OPCML: variants seen among roughly 807,000 people sequenced by gnomAD.
OPCML encodes opioid binding protein/cell adhesion molecule like.
In OPCML, 13 loss-of-function variants were observed where a neutral mutation model predicts 37.8. That is an observed-to-expected ratio of 0.34 (90% CI 0.22 to 0.55). The LOEUF is 0.55. OPCML is among the 20% of genes least tolerant of loss of function. The pLI, the probability that OPCML is intolerant of heterozygous loss-of-function variation, is 0.91. For synonymous variants in OPCML, 176 were observed against 168.8 expected (o/e 1.04, Z -0.33); for missense variants, 341 against 435.6 (o/e 0.78, Z 1.93).
At chr11:132,567,395 G>C (rs1217029864) in intron 3 of OPCML, among the ~76,000 whole-genome samples, 2 of 152,164 alleles carry the variant, frequency 1.3e-5, no homozygotes, top group African/African-American at 2.4e-5. Context: ...GAATAAACAT[G>C]GTTCTCCTAT....
chr11:132,769,696 G>C (rs1156991666), intron 2 of OPCML, among the ~76,000 whole-genome samples: 1 of 152,186 alleles, frequency 6.6e-6, no homozygotes, highest in Non-Finnish European at 1.5e-5. Context: ...AGACACGCAT[G>C]TGGGAGACTC....
chr11:133,436,768 C>T (rs191162446), intron 1 of OPCML, among the ~76,000 whole-genome samples: 167 of 152,244 alleles, frequency 1.1e-3, no homozygotes, highest in African/African-American at 3.8e-3. Flanking sequence ...ATAATAGAAC[C>T]GAACTCGCAT....
intron 1 of OPCML, among the ~76,000 whole-genome samples, chr11:133,214,290 A>G (rs551616488): frequency 6.6e-6 from 1 of 152,256 alleles, no homozygotes; most frequent in South Asian, 2.1e-4. Context: ...GTCATTTATG[A>G]TAGAAAAAGC....
intron 1 of OPCML, among the ~76,000 whole-genome samples, chr11:133,288,646 G>C (rs61912376): frequency 0.65 from 98,674 of 152,070 alleles, 33,651 homozygotes; most frequent in East Asian, 0.91. Context: ...GACACCCAGG[G>C]TCTACCTTGG....
intron 1 of OPCML, among the ~76,000 whole-genome samples, chr11:132,950,020 A>G (rs1258602426): frequency 6.6e-6 from 1 of 152,184 alleles, no homozygotes; most frequent in African/African-American, 2.4e-5. Context: ...TGAGCAAACA[A>G]ACACCATAGA....
At chr11:132,712,324 C>A (rs1380597377) in intron 2 of OPCML, among the ~76,000 whole-genome samples, 4 of 151,898 alleles carry the variant, frequency 2.6e-5, no homozygotes, top group South Asian at 2.1e-4. Context: ...CCTCCTCCCC[C>A]ACAAGTGGTC....
chr11:133,112,030 C>T (rs1183532362), intron 1 of OPCML, among the ~76,000 whole-genome samples: 2 of 152,036 alleles, frequency 1.3e-5, no homozygotes, highest in East Asian at 3.8e-4. Context: ...TCCTGTACAT[C>T]CACCTTCACG....
intron 2 of OPCML, among the ~76,000 whole-genome samples, chr11:132,726,146 G>A (rs1012086189): frequency 1.3e-5 from 2 of 152,134 alleles, no homozygotes; most frequent in African/African-American, 2.4e-5. Context: ...CTTTTCAGCA[G>A]CGCCCCACTC....
chr11:132,888,304 A>G (rs1943501308), intron 2 of OPCML, among the ~76,000 whole-genome samples: 1 of 152,184 alleles, frequency 6.6e-6, no homozygotes, highest in African/African-American at 2.4e-5. Context: ...TGCACGGCCT[A>G]GAATTTATTA....
At chr11:132,615,009 A>G (rs927084001) in intron 3 of OPCML, among the ~76,000 whole-genome samples, 1 of 152,260 alleles carries the variant, frequency 6.6e-6, no homozygotes, top group Non-Finnish European at 1.5e-5. Flanking sequence ...TTTATTGAAC[A>G]TATAAATAAT....
At position 133,038,482 on chromosome 11, in the gene OPCML, T is replaced by A. The variant is rs74583788; in HGVS notation, c.62-95472A>T. On this transcript the variant is annotated intron_variant, in intron 1 of 7. Transcript: ENST00000524381. ...CATGGTAATTAATATTGATTGACAA[T>A]TATAAAAAGATTCATTATTTTAATT... 7.1e-3 allele frequency among the ~76,000 whole-genome samples: 1,079 copies of A among 152,324 alleles called. 14 individuals carry two copies. The highest frequency in any genetic ancestry group is 0.025 in the African/African-American group (1,024 of 41,566).
At chr11:132,423,141 A>G (rs371040680) in intron 7 of OPCML, among the ~76,000 whole-genome samples, 1 of 152,176 alleles carries the variant, frequency 6.6e-6, no homozygotes, top group East Asian at 1.9e-4. Context: ...GCACTTCAGA[A>G]TTCCATCTCC....
intron 1 of OPCML, among the ~76,000 whole-genome samples, chr11:133,322,956 G>C (rs1254634791): frequency 6.6e-6 from 1 of 152,078 alleles, no homozygotes; most frequent in South Asian, 2.1e-4. Flanking sequence ...CACAAGACCT[G>C]GTATATACAA....
At chr11:132,836,360 G>T (rs895511827) in intron 2 of OPCML, among the ~76,000 whole-genome samples, 16 of 152,152 alleles carry the variant, frequency 1.1e-4, no homozygotes, top group African/African-American at 3.9e-4. Flanking sequence ...TATTTGTACA[G>T]CATGAGCCAG....
chr11:133,004,378 T>A (rs1947066794), intron 1 of OPCML: 1 of 985,350 alleles, frequency 1.0e-6, no homozygotes, highest in Non-Finnish European at 1.2e-6. Flanking sequence ...TTCTGCTCTC[T>A]CTTCAGAGGA....
intron 1 of OPCML, among the ~76,000 whole-genome samples, chr11:133,221,270 T>G (rs1592117447): frequency 6.6e-6 from 1 of 152,182 alleles, no homozygotes; most frequent in East Asian, 1.9e-4. Flanking sequence ...GCAGAGTGAC[T>G]TGGTCGAAGC....
At chr11:133,175,086 G>A (rs1950347850) in intron 1 of OPCML, among the ~76,000 whole-genome samples, 1 of 152,210 alleles carries the variant, frequency 6.6e-6, no homozygotes. Context: ...GTTAATCTTG[G>A]AAGTAGAATT....
chr11:133,055,175 G>A (rs991442567), intron 1 of OPCML, among the ~76,000 whole-genome samples: 5 of 144,904 alleles, frequency 3.5e-5, no homozygotes, highest in African/African-American at 1.3e-4. Flanking sequence ...ACCATATAAT[G>A]CTGCCTCCAT....
In OPCML at chr11:132,943,590, A is replaced by T. The variant is rs1945659418; in HGVS notation, c.62-580T>A. On this transcript the variant is annotated intron_variant, in intron 1 of 7. Transcript: ENST00000524381. This position sits in a 1 kb window ranked among gnomAD's most constrained non-coding sequence, Gnocchi z 4.3. ...AGAGGAGGAAATGGTTTATTAGATC[A>T]CACACATGGACAGATGTACGTGTCC... The T allele has an allele frequency of 1.2e-5, 2 of 163,272 alleles. No individual in the cohort carries two copies. The highest frequency in any genetic ancestry group is 5.7e-5 in the Admixed American group (1 of 17,516). 10.1% of individuals were successfully genotyped at this position (163,272 alleles called of 1,614,324 possible).
Sources: allele counts gnomAD v4.1 joint callset (sites outside exome capture counted in the v4.1 genomes callset), GRCh38; gene constraint gnomAD v4.1.1; non-coding constraint Gnocchi (gnomAD v3.1); transcripts MANE v1.5; gene names NCBI Gene and HGNC (gene_info 2026-07-23, HGNC 2026-07-21).